TEK: variants seen among roughly 807,000 people sequenced by gnomAD.
The protein encoded by TEK is TEK receptor tyrosine kinase.
In TEK, 43 loss-of-function variants were observed where a neutral mutation model predicts 131.8. That is an observed-to-expected ratio of 0.33 (90% CI 0.26 to 0.42). The LOEUF is 0.42. Among genes scored for constraint, TEK ranks in the 10% least tolerant of loss-of-function variants. The pLI is 1.00. For synonymous variants in TEK, 580 were observed against 491.6 expected (o/e 1.18, Z -2.38); for missense variants, 1,162 against 1,384.4 (o/e 0.84, Z 2.55).
chr9:27,109,712 C>T, intron 1 of TEK, 70 bp downstream of exon 1: 10 of 1,502,928 alleles, frequency 6.7e-6, no homozygotes, highest in Non-Finnish European at 9.2e-6. Flanking sequence ...TGGGTGCTCT[C>T]CCCAAATCTC....
intron 1 of TEK, among the ~76,000 whole-genome samples, chr9:27,143,500 C>T (rs1285607390): frequency 6.6e-6 from 1 of 152,074 alleles, no homozygotes; most frequent in Non-Finnish European, 1.5e-5. Context: ...GACTCATACA[C>T]TGTGATGTTG....
At chr9:27,216,624 AT>A (rs1285141003) in intron 18 of TEK, among the ~76,000 whole-genome samples, 1 of 152,202 alleles carries the variant, frequency 6.6e-6, no homozygotes, top group Non-Finnish European at 1.5e-5. Flanking sequence ...AAAGTACAAA[AT>A]TACCATTTAG....
chr9:27,167,765 T>C (rs1757879227), intron 2 of TEK, among the ~76,000 whole-genome samples: 1 of 152,230 alleles, frequency 6.6e-6, no homozygotes, highest in Non-Finnish European at 1.5e-5. Context: ...GCAATTAGAA[T>C]TATTTGGAAC....
chr9:27,229,279 G>T lies in TEK; in HGVS notation c.*47G>T. On this transcript the variant is annotated 3_prime_UTR_variant, in exon 23 of 23. Transcript: ENST00000380036. ...CTGTTTCCCTTTCACTGGCATGGGA[G>T]ACCCTTGACACCTGCTGAGAAAACA... The T allele has an allele frequency of 6.4e-7, 1 of 1,564,316 alleles. No homozygotes were observed. Among genetic ancestry groups the T allele is most frequent in the Non-Finnish European group, 8.8e-7 (1 of 1,134,784 alleles).
intron 2 of TEK, among the ~76,000 whole-genome samples, chr9:27,162,130 A>C (rs1348010172): frequency 6.6e-6 from 1 of 152,244 alleles, no homozygotes; most frequent in East Asian, 1.9e-4. Flanking sequence ...GAGGAAAGTG[A>C]AATCCTTTAT....
At chr9:27,214,717 C>T (rs541171720) in intron 18 of TEK, among the ~76,000 whole-genome samples, 17 of 152,238 alleles carry the variant, frequency 1.1e-4, no homozygotes, top group African/African-American at 2.4e-4. Flanking sequence ...CCACAGTGAA[C>T]GTAATCATTT....
intron 17 of TEK, 29 bp downstream of exon 17, chr9:27,212,926 T>G (rs772804222): frequency 1.4e-5 from 23 of 1,609,778 alleles, no homozygotes; most frequent in Non-Finnish European, 1.9e-5. Context: ...GCTTTGGATA[T>G]CTTTCCTGTG....
chr9:27,116,452 C>A (rs549048748), intron 1 of TEK, among the ~76,000 whole-genome samples: 14 of 152,258 alleles, frequency 9.2e-5, no homozygotes, highest in South Asian at 2.1e-4. Flanking sequence ...CCACACCCGG[C>A]TAATTTTTGT....
At chr9:27,187,229 C>T (rs1468096979) in intron 9 of TEK, among the ~76,000 whole-genome samples, 1 of 152,210 alleles carries the variant, frequency 6.6e-6, no homozygotes, top group Non-Finnish European at 1.5e-5. Flanking sequence ...TAAGTCACTG[C>T]TGTCTCTTTG....
Position 27,229,379 on chromosome 9 carries a change from C to A in TEK, c.*147C>A, listed in dbSNP as rs1034631489. 4 of 764,398 alleles carry A rather than the reference C, an allele frequency of 5.2e-6. No individual in the cohort carries two copies. Among genetic ancestry groups the A allele is most frequent in the Non-Finnish European group, 7.0e-6 (3 of 428,508 alleles). 47.4% of individuals were successfully genotyped at this position (764,398 alleles called of 1,614,324 possible). On this transcript the variant is annotated 3_prime_UTR_variant, in exon 23 of 23. Coordinates refer to ENST00000380036, the MANE Select transcript of TEK (RefSeq NM_000459.5). ...CTGGGACCTTCACCACTGTAGATCC[C>A]ATGCATGGATCTATGTAGTATGCTC...
intron 1 of TEK, among the ~76,000 whole-genome samples, chr9:27,127,611 T>C (rs1822039953): frequency 6.6e-6 from 1 of 152,228 alleles, no homozygotes; most frequent in African/African-American, 2.4e-5. Flanking sequence ...TGTAAAAACG[T>C]TCCTATTTCT....
At chr9:27,116,207 T>TG (rs1475502798) in intron 1 of TEK, among the ~76,000 whole-genome samples, 1 of 152,130 alleles carries the variant, frequency 6.6e-6, no homozygotes, top group African/African-American at 2.4e-5. Context: ...ATAATGGTGG[T>TG]GCCATTCAGT....
At chr9:27,164,464 C>T (rs1229230519) in intron 2 of TEK, among the ~76,000 whole-genome samples, 3 of 151,892 alleles carry the variant, frequency 2.0e-5, no homozygotes, top group Admixed American at 6.6e-5. Context: ...GGACTACAGG[C>T]GCCCGCTACC....
chr9:27,227,886 A>T (rs1222378694), intron 21 of TEK, among the ~76,000 whole-genome samples: 1 of 152,170 alleles, frequency 6.6e-6, no homozygotes. Context: ...GCCCTTTAAG[A>T]GACACTAACA....
intron 9 of TEK, among the ~76,000 whole-genome samples, chr9:27,189,869 T>C (rs139340918): frequency 2.0e-5 from 3 of 151,974 alleles, no homozygotes; most frequent in Admixed American, 6.6e-5. Flanking sequence ...GATATATATA[T>C]ATAGAGAGAG....
chr9:27,158,166 C>T, intron 2 of TEK, 24 bp downstream of exon 2: 1 of 1,612,364 alleles, frequency 6.2e-7, no homozygotes, highest in Non-Finnish European at 8.5e-7. Flanking sequence ...AAGTTTTGGG[C>T]AGGTGAGGCC....
chr9:27,192,474 G>A lies in TEK; in HGVS notation c.1490-15G>A, dbSNP rs112862935. The A allele has an allele frequency of 4.1e-5, 66 of 1,613,724 alleles. No individual in the cohort carries two copies. The African/African-American group carries it at 7.1e-4, about 17-fold the overall frequency. Reference sequence around the variant, plus strand: ...GAATGCCAACTTAAGTTTCCTGGACGTTTTCTCTTCTCAGTGACAAATGAG... The same window carrying A: ...GAATGCCAACTTAAGTTTCCTGGACATTTTCTCTTCTCAGTGACAAATGAG... On this transcript the variant is annotated splice_polypyrimidine_tract_variant and intron_variant, in intron 10 of 22. Transcript: ENST00000380036.
intron 21 of TEK, among the ~76,000 whole-genome samples, chr9:27,220,390 G>C (rs775439290): frequency 6.6e-6 from 1 of 152,176 alleles, no homozygotes; most frequent in Non-Finnish European, 1.5e-5. Context: ...TTGAAATGAG[G>C]AAGGGCAACA....
chr9:27,117,557 GA>G (rs1385727903), intron 1 of TEK, among the ~76,000 whole-genome samples: 1 of 152,178 alleles, frequency 6.6e-6, no homozygotes, highest in Admixed American at 6.5e-5. Context: ...AAGGCTGCAG[GA>G]GCAGGTGTGA....
Sources: allele counts gnomAD v4.1 joint callset (sites outside exome capture counted in the v4.1 genomes callset), GRCh38; gene constraint gnomAD v4.1.1; transcripts MANE v1.5; gene names NCBI Gene and HGNC (gene_info 2026-07-23, HGNC 2026-07-21).